SORCS1: variants seen among roughly 807,000 people sequenced by gnomAD.
SORCS1 encodes sortilin related VPS10 domain containing receptor 1.
SORCS1 carries 60 observed loss-of-function variants against 146.1 expected under a neutral mutation model. The observed-to-expected ratio is 0.41, with a 90% confidence interval of 0.33 to 0.51. The LOEUF (loss-of-function observed/expected upper bound fraction) is 0.51, where lower values mean the gene tolerates loss of function less well. Among genes scored for constraint, SORCS1 ranks in the 20% least tolerant of loss-of-function variants. SORCS1 has a pLI of 0.21. For synonymous variants in SORCS1, 637 were observed against 584.0 expected, an observed-to-expected ratio of 1.09 and a Z score of -1.31; for missense variants, 1,352 against 1,487.6, an observed-to-expected ratio of 0.91 and a Z score of 1.50.
chr10:107,065,446 TCTTTTCTC>T (rs1486004588), intron 1 of SORCS1, among the ~76,000 whole-genome samples: 1 of 144,004 alleles, frequency 6.9e-6, no homozygotes, highest in Admixed American at 7.0e-5. Context: ...TTTCTTTCTT[TCTTTTCTC>T]TCTTTCTCTC....
rs190045512 is a variant in SORCS1 at position 107,065,574 on chromosome 10, G to A, written c.558+98395C>T. Among the ~76,000 whole-genome samples the A allele has an allele frequency of 1.6e-3, 226 of 142,658 alleles. 2 individuals are homozygous for A. The highest frequency in any genetic ancestry group is 1.4e-3 in the Non-Finnish European group (91 of 67,190). The allele number at this position is 142,658 out of a possible 152,430, so 93.6% of individuals were successfully genotyped here. Reference sequence around the variant, plus strand: ...GCTCAGTCACCCAGGCTAGAGTGCAGTGGCGTGATCTCAACTCACTGCAAC... The same window carrying A: ...GCTCAGTCACCCAGGCTAGAGTGCAATGGCGTGATCTCAACTCACTGCAAC... On this transcript the variant is annotated intron_variant, in intron 1 of 25. Coordinates refer to ENST00000263054, the MANE Select transcript of SORCS1 (RefSeq NM_052918.5).
chr10:107,164,658 C>G lies in SORCS1; in HGVS notation c.-132G>C, dbSNP rs1969979904. The stretch of plus-strand genomic sequence containing the variant: ...CAAGTTGCGCCGCGGTGGGGGCGGG[C>G]GGAGGCGGCGCCGGGCAGGTGGCGG... On this transcript the variant is annotated 5_prime_UTR_variant, in exon 1 of 26. Coordinates refer to ENST00000263054, the MANE Select transcript of SORCS1 (RefSeq NM_052918.5). The surrounding 1 kb of genome is among the most constrained non-coding windows in gnomAD (Gnocchi z 6.8). The G allele has an allele frequency of 1.4e-6, 1 of 701,846 alleles. No homozygotes were observed. The highest frequency in any genetic ancestry group is 2.0e-6 in the Non-Finnish European group (1 of 503,150). The allele number at this position is 701,846 out of a possible 1,614,324, so 43.5% of individuals were successfully genotyped here. A position where few individuals can be genotyped will look rare whatever the true frequency, so the allele number is the denominator to read the frequency against.
At chr10:106,632,960 G>T (rs1848522472) in intron 18 of SORCS1, among the ~76,000 whole-genome samples, 2 of 152,102 alleles carry the variant, frequency 1.3e-5, no homozygotes, top group African/African-American at 4.8e-5. Context: ...GGAACAGAGG[G>T]AACAGATGTG....
chr10:106,658,623 C>A (rs1230398072), intron 17 of SORCS1, among the ~76,000 whole-genome samples: 1 of 152,156 alleles, frequency 6.6e-6, no homozygotes, highest in Non-Finnish European at 1.5e-5. Flanking sequence ...GAGAAGGGGG[C>A]TAATTCTTGA....
intron 2 of SORCS1, among the ~76,000 whole-genome samples, chr10:106,893,970 A>G (rs1951344234): frequency 6.6e-6 from 1 of 152,168 alleles, no homozygotes; most frequent in African/African-American, 2.4e-5. Flanking sequence ...ACAGAGATGG[A>G]CTTTCAACTA....
intron 1 of SORCS1, among the ~76,000 whole-genome samples, chr10:106,993,160 T>C (rs1200967331): frequency 6.6e-6 from 1 of 151,566 alleles, no homozygotes; most frequent in Admixed American, 6.6e-5. Context: ...AGGGCTTTCA[T>C]GTCAGGTTTA....
chr10:106,989,687 T>TTTG (rs1956678898), intron 1 of SORCS1, among the ~76,000 whole-genome samples: 1 of 137,244 alleles, frequency 7.3e-6, no homozygotes, highest in African/African-American at 3.0e-5. Context: ...TTTGTTTTTT[T>TTTG]TTTTTTTTTT....
At chr10:107,098,592 G>A (rs184354527) in intron 1 of SORCS1, among the ~76,000 whole-genome samples, 58 of 152,226 alleles carry the variant, frequency 3.8e-4, no homozygotes, top group African/African-American at 8.2e-4. Context: ...CCAACACCTC[G>A]TTGTTAAAGA....
intron 2 of SORCS1, among the ~76,000 whole-genome samples, chr10:106,955,461 T>C (rs944621828): frequency 5.3e-5 from 8 of 152,200 alleles, no homozygotes; most frequent in Non-Finnish European, 1.0e-4. Context: ...ATGGGCTAAG[T>C]GGGCAGAGCA....
At chr10:106,797,049 G>A (rs1946602566) in intron 3 of SORCS1, among the ~76,000 whole-genome samples, 2 of 152,186 alleles carry the variant, frequency 1.3e-5, no homozygotes, top group South Asian at 4.1e-4. Context: ...GGAGGTTGCA[G>A]TAAGCCGGGA....
At chr10:106,915,562 C>T (rs2138308923) in intron 2 of SORCS1, among the ~76,000 whole-genome samples, 1 of 152,280 alleles carries the variant, frequency 6.6e-6, no homozygotes, top group Non-Finnish European at 1.5e-5. Flanking sequence ...CCCAGGCCCA[C>T]TCTACTCTAG....
At chr10:106,581,957 CCTAA>C (rs1436773466) in intron 24 of SORCS1, among the ~76,000 whole-genome samples, 1 of 152,146 alleles carries the variant, frequency 6.6e-6, no homozygotes, top group Non-Finnish European at 1.5e-5. Flanking sequence ...ACTTTTCACT[CCTAA>C]CTAAATGCTC....
chr10:106,886,705 A>G (rs1951017440), intron 2 of SORCS1, among the ~76,000 whole-genome samples: 1 of 152,224 alleles, frequency 6.6e-6, no homozygotes, highest in African/African-American at 2.4e-5. Context: ...ACACATACAG[A>G]AAAGCTATGC....
intron 18 of SORCS1, among the ~76,000 whole-genome samples, chr10:106,639,441 T>C (rs567547879): frequency 8.5e-4 from 129 of 152,320 alleles, no homozygotes; most frequent in African/African-American, 3.0e-3. Flanking sequence ...TTTGAGACCC[T>C]AAAGAACAGC....
At chr10:106,831,524 T>G (rs1251457782) in intron 2 of SORCS1, among the ~76,000 whole-genome samples, 1 of 152,204 alleles carries the variant, frequency 6.6e-6, no homozygotes, top group Non-Finnish European at 1.5e-5. Flanking sequence ...AAAATTGTAA[T>G]CATCTTAATT....
intron 5 of SORCS1, among the ~76,000 whole-genome samples, chr10:106,756,028 C>T (rs1858611145): frequency 6.6e-6 from 1 of 151,982 alleles, no homozygotes; most frequent in African/African-American, 2.4e-5. Context: ...ACTCAGGAGG[C>T]TGAGGCAGGA....
At chr10:107,124,911 C>A (rs1966615932) in intron 1 of SORCS1, among the ~76,000 whole-genome samples, 1 of 151,876 alleles carries the variant, frequency 6.6e-6, no homozygotes, top group African/African-American at 2.4e-5. Flanking sequence ...TACCTCACTG[C>A]CCACTCTGCT....
Position 106,688,333 on chromosome 10 carries a change from T to C in SORCS1, c.1419A>G (p.Ala473=). ...GNIMIDLYEV[A]GIKGMFLANK... is the part of the protein sequence containing the mutation. The stretch of plus-strand genomic sequence containing the variant: ...TAGCCAAGAACATTCCCTTTATCCC[T>C]GCTACCTGGGAAAAATTGACATGGC... The change falls in exon 10 of 26, where the codon GCA becomes GCG. Residue 473 remains alanine, a synonymous_variant. Transcript: ENST00000263054. The C allele has an allele frequency of 6.2e-7, 1 of 1,610,574 alleles. No individual in the cohort carries two copies. The highest frequency in any genetic ancestry group is 8.5e-7 in the Non-Finnish European group (1 of 1,178,954).
At chr10:107,134,992 A>G (rs1795415355) in intron 1 of SORCS1, among the ~76,000 whole-genome samples, 1 of 152,218 alleles carries the variant, frequency 6.6e-6, no homozygotes, top group South Asian at 2.1e-4. Flanking sequence ...CATCTTTCCC[A>G]TAAACTCCAT....
Sources: gnomAD v4.1 joint callset for allele counts (sites outside exome capture counted in the v4.1 genomes callset) on GRCh38, gnomAD v4.1.1 for gene constraint, Gnocchi (gnomAD v3.1) non-coding constraint, MANE v1.5 for transcripts, NCBI Gene and HGNC (gene_info 2026-07-23, HGNC 2026-07-21) for gene names.